Variants in RPP14 observed in about 807,000 individuals in gnomAD.
RPP14 encodes ribonuclease P/MRP subunit p14.
Under a neutral mutation model 17.8 loss-of-function variants are expected in RPP14, and 19 were observed. That is an observed-to-expected ratio of 1.07 (90% CI 0.74 to 1.57). RPP14 has a LOEUF of 1.57. Among genes scored for constraint, RPP14 ranks in the 40% most tolerant of loss-of-function variants. The probability of loss-of-function intolerance (pLI) is 0.00; values close to 1 mark genes in which losing one functional copy is unlikely to be tolerated. For missense variants in RPP14, 125 were observed against 140.8 expected (o/e 0.89, Z 0.57); for synonymous variants, 60 against 56.4 (o/e 1.06, Z -0.29).
intron 1 of RPP14, among the ~76,000 whole-genome samples, chr3:58,308,573 G>A (rs754947455): frequency 3.3e-5 from 5 of 152,104 alleles, no homozygotes; most frequent in African/African-American, 9.7e-5. Context: ...AGGCCCCAAA[G>A]TATTAATGTT....
chr3:58,317,365 T>G (rs1442306425), intron 5 of RPP14, 75 bp from the exon 6 acceptor site: 8 of 946,898 alleles, frequency 8.4e-6, no homozygotes, highest in Non-Finnish European at 1.3e-5. Flanking sequence ...CCTGTAAAAC[T>G]GGGCATGTTT....
chr3:58,317,347 T>C lies in RPP14; in HGVS notation c.319-93T>C, dbSNP rs1034750663. Reference sequence around the variant, plus strand: ...TCTGTAAAATGCTCCTGCATCAGCTTTGTTTATCCTGTAAAACTGGGCATG... The same window carrying C: ...TCTGTAAAATGCTCCTGCATCAGCTCTGTTTATCCTGTAAAACTGGGCATG... On this transcript the variant is annotated intron_variant, in intron 5 of 5. Coordinates refer to ENST00000295959, the MANE Select transcript of RPP14 (RefSeq NM_007042.6). 9.8e-6 allele frequency: 8 copies of C among 819,054 alleles called. No homozygotes were observed. In the Middle Eastern group the frequency reaches 6.9e-4, roughly 71 times the overall value. 50.7% of individuals were successfully genotyped at this position (819,054 alleles called of 1,614,324 possible).
chr3:58,314,084 C>T (rs1167680309), intron 3 of RPP14, among the ~76,000 whole-genome samples: 1 of 152,192 alleles, frequency 6.6e-6, no homozygotes, highest in African/African-American at 2.4e-5. Context: ...GGCGTGGTGG[C>T]TCATGCCTGT....
intron 3 of RPP14, among the ~76,000 whole-genome samples, chr3:58,314,882 T>G (rs1190703346): frequency 6.6e-6 from 1 of 152,002 alleles, no homozygotes; most frequent in African/African-American, 2.4e-5. Context: ...AGACGGGGTT[T>G]CACCATGTTG....
intron 3 of RPP14, among the ~76,000 whole-genome samples, chr3:58,313,950 G>A (rs1242102020): frequency 2.0e-5 from 3 of 152,372 alleles, no homozygotes; most frequent in Non-Finnish European, 4.4e-5. Context: ...ACTTTGGGAA[G>A]CCAGGGCAGG....
intron 1 of RPP14, 129 bp from the exon 2 acceptor site, chr3:58,310,180 C>T (rs1017480785): frequency 1.7e-5 from 11 of 660,854 alleles, no homozygotes; most frequent in African/African-American, 1.6e-4. Flanking sequence ...GCACTTCAGC[C>T]TAGGTGACAG....
intron 3 of RPP14, among the ~76,000 whole-genome samples, chr3:58,312,632 T>G (rs75385546): frequency 0.017 from 2,525 of 152,100 alleles, 73 homozygotes; most frequent in African/African-American, 0.058. Flanking sequence ...CTTGAAGAGA[T>G]AAGGAATTTG....
chr3:58,312,334 A>ACCCCCCCCCCCCCCCC (rs76719108), intron 3 of RPP14, among the ~76,000 whole-genome samples: 1 of 69,706 alleles, frequency 1.4e-5, no homozygotes, highest in African/African-American at 5.2e-5. Flanking sequence ...CAACCTCCGC[A>ACCCCCCCCCCCCCCCC]CCCCCCCCCG....
chr3:58,317,232 T>A (rs1043262858), intron 5 of RPP14, among the ~76,000 whole-genome samples: 5 of 152,266 alleles, frequency 3.3e-5, no homozygotes, highest in African/African-American at 1.2e-4. Flanking sequence ...TTACTTTTTT[T>A]ATTTAACACT....
chr3:58,316,047 T>C (rs933152753), intron 3 of RPP14, among the ~76,000 whole-genome samples: 1 of 151,986 alleles, frequency 6.6e-6, no homozygotes, highest in Admixed American at 6.6e-5. Flanking sequence ...TAAAAAAAAA[T>C]ATCCCTGTGT....
Position 58,318,196 on chromosome 3 carries a change from C to G in RPP14, c.*700C>G, listed in dbSNP as rs878861678. 1.2e-5 allele frequency: 7 copies of G among 598,824 alleles called. No individual in the cohort carries two copies. In the Admixed American group the frequency reaches 2.2e-4, roughly 19 times the overall value. 37.1% of individuals were successfully genotyped at this position (598,824 alleles called of 1,614,324 possible). On this transcript the variant is annotated 3_prime_UTR_variant, in exon 6 of 6. Transcript: ENST00000295959. ...GCCTATGGGGAATTGCTGCTCTTTA[C>G]CAAAGAATGGTTGATAGGCCCAGAA...
At chr3:58,313,048 G>C (rs992231098) in intron 3 of RPP14, among the ~76,000 whole-genome samples, 19 of 150,980 alleles carry the variant, frequency 1.3e-4, no homozygotes, top group African/African-American at 4.6e-4. Flanking sequence ...CAGATCCCAA[G>C]GTCAGCCGAT....
intron 1 of RPP14, chr3:58,308,030 C>A (rs560255381): frequency 6.6e-6 from 1 of 152,152 alleles, no homozygotes; most frequent in South Asian, 2.1e-4. Context: ...TTTCACTCCC[C>A]TATTTTAGGC....
At position 58,318,162 on chromosome 3, in the gene RPP14, T is replaced by C; in HGVS notation, c.*666T>C. On this transcript the variant is annotated 3_prime_UTR_variant, in exon 6 of 6. Transcript: ENST00000295959. ...ATGCAACCTCAAACACCAATGCTGT[T>C]GTTAAAGAGCCTATGGGGAATTGCT... The C allele has an allele frequency of 1.6e-6, 1 of 613,378 alleles. No homozygotes were observed. Among genetic ancestry groups the C allele is most frequent in the East Asian group, 2.7e-5 (1 of 36,716 alleles). The allele number at this position is 613,378 out of a possible 1,614,324, so 38.0% of individuals were successfully genotyped here.
chr3:58,317,415 C>T lies in RPP14; in HGVS notation c.319-25C>T, dbSNP rs374211134. ...GCTTCAGTGTGGTTTCTCCCAATGCCTTAACCTTTTTCTTTCTCTTCTAGG... is the reference window on the plus strand; with the variant it reads ...GCTTCAGTGTGGTTTCTCCCAATGCTTTAACCTTTTTCTTTCTCTTCTAGG... On this transcript the variant is annotated intron_variant, in intron 5 of 5. Coordinates refer to ENST00000295959, the MANE Select transcript of RPP14 (RefSeq NM_007042.6). 5.4e-4 allele frequency: 828 copies of T among 1,547,018 alleles called. 10 individuals are homozygous for T. In the South Asian group the frequency reaches 8.8e-3, roughly 17 times the overall value.
At chr3:58,312,111 C>T (rs1008738208) in intron 3 of RPP14, among the ~76,000 whole-genome samples, 1 of 152,124 alleles carries the variant, frequency 6.6e-6, no homozygotes, top group Non-Finnish European at 1.5e-5. Context: ...GCCTTGGCCT[C>T]CCAAAGCACT....
intron 3 of RPP14, among the ~76,000 whole-genome samples, chr3:58,311,801 T>G (rs932257957): frequency 2.0e-5 from 3 of 152,108 alleles, no homozygotes; most frequent in Non-Finnish European, 4.4e-5. Context: ...TTGAATTGAT[T>G]TCCTTTCTCT....
chr3:58,310,538 G>A lies in RPP14; in HGVS notation c.109G>A (p.Ala37Thr). ...TCAAGATTGTGGAGTTGGACTGAAT[G>A]CTGCACAGTTCAAACAGCTGCTTAT... The part of the protein sequence containing the change: ...EFQDCGVGLN[A>T]AQFKQLLISA... Residue 37 changes from alanine (A) to threonine (T), a missense_variant, in exon 3 of 6, where the codon GCT (alanine) becomes ACT (threonine). Physicochemically the swap from Ala to Thr is moderately conservative, Grantham distance 58. Transcript: ENST00000295959. 1 of 1,612,640 alleles carries A rather than the reference G, an allele frequency of 6.2e-7. No individual in the cohort carries two copies. Among genetic ancestry groups the A allele is most frequent in the Non-Finnish European group, 8.5e-7 (1 of 1,179,658 alleles).
intron 3 of RPP14, among the ~76,000 whole-genome samples, chr3:58,314,675 A>ATTTTTTTTTTTTTTTT (rs751757663): frequency 8.8e-5 from 8 of 90,584 alleles, no homozygotes; most frequent in African/African-American, 8.8e-5. Flanking sequence ...GTTTGGCAGT[A>ATTTTTTTTTTTTTTTT]TTTTTTTTTT....
Sources: allele counts gnomAD v4.1 joint callset (sites outside exome capture counted in the v4.1 genomes callset), GRCh38; gene constraint gnomAD v4.1.1; transcripts MANE v1.5; gene names NCBI Gene and HGNC (gene_info 2026-07-23, HGNC 2026-07-21).